The following CAMSAP1 variants were observed in gnomAD, a reference collection of about 807,000 sequenced individuals.
CAMSAP1 encodes calmodulin regulated spectrin associated protein 1.
Under a neutral mutation model 143.5 loss-of-function variants are expected in CAMSAP1, and 58 were observed. That is an observed-to-expected ratio of 0.40 (90% CI 0.33 to 0.50). The LOEUF (loss-of-function observed/expected upper bound fraction) is 0.50. Among genes scored for constraint, CAMSAP1 ranks in the 20% least tolerant of loss-of-function variants. The probability of loss-of-function intolerance (pLI) is 0.45; values close to 1 mark genes in which losing one functional copy is unlikely to be tolerated. For synonymous variants in CAMSAP1, 945 were observed against 859.3 expected (o/e 1.10, Z -1.74); for missense variants, 1,969 against 2,115.7 (o/e 0.93, Z 1.36).
At chr9:135,842,597 T>A (rs1319948070) in intron 7 of CAMSAP1, among the ~76,000 whole-genome samples, 1 of 152,090 alleles carries the variant, frequency 6.6e-6, no homozygotes, top group Non-Finnish European at 1.5e-5. Flanking sequence ...GAGAGAAAGG[T>A]CAGGTTACCC....
chr9:135,904,900 G>A lies in CAMSAP1; in HGVS notation c.160+2100C>T, dbSNP rs549407572. On this transcript the variant is annotated intron_variant, in intron 1 of 16. Coordinates refer to ENST00000389532, the MANE Select transcript of CAMSAP1 (RefSeq NM_015447.4). ...GAATCGCTTGAACCCAGGAGGTGGC[G>A]GTTGCGGTGAGCTGAGGTCGCGTCA... is the stretch of plus-strand genomic sequence containing the variant. Among the ~76,000 whole-genome samples, 58 of 152,148 alleles carry A rather than the reference G, an allele frequency of 3.8e-4. No individual in the cohort carries two copies. In the South Asian group the frequency reaches 0.01, roughly 27 times the overall value.
Position 135,820,802 on chromosome 9 carries a change from T to C in CAMSAP1, c.3822+37A>G. On this transcript the variant is annotated intron_variant, in intron 11 of 16. Transcript: ENST00000389532. The surrounding 1 kb of genome is among the most constrained non-coding windows in gnomAD (Gnocchi z 4.4). ...CACTATCACGTGGGGTGGCAACACA[T>C]CACGAGTGCCTGAAACAGATGCTAC... 6.2e-7 allele frequency: 1 copy of C among 1,601,314 alleles called. No homozygotes were observed. The highest frequency in any genetic ancestry group is 8.5e-7 in the Non-Finnish European group (1 of 1,175,294).
intron 14 of CAMSAP1, 194 bp downstream of exon 14, chr9:135,817,783 G>A (rs926445679): frequency 1.7e-5 from 10 of 574,040 alleles, no homozygotes; most frequent in Admixed American, 9.1e-5. Flanking sequence ...AGGCTGCCAC[G>A]TTTAACCAGC....
At chr9:135,892,867 A>AAAAAAAAATAAAG (rs1554800261) in intron 1 of CAMSAP1, among the ~76,000 whole-genome samples, 1 of 147,750 alleles carries the variant, frequency 6.8e-6, no homozygotes, top group African/African-American at 2.5e-5. Context: ...AAAAAAAAAA[A>AAAAAAAAATAAAG]GAACTAATCA....
chr9:135,862,467 CA>C lies in CAMSAP1; in HGVS notation c.807del (p.Asp269GlufsTer5). 6.4e-7 allele frequency: 1 copy of C among 1,551,172 alleles called. No homozygotes were observed. Among genetic ancestry groups the C allele is most frequent in the Non-Finnish European group, 8.7e-7 (1 of 1,146,840 alleles). On this transcript the variant is annotated frameshift_variant and splice_region_variant, in exon 5 of 17. Coordinates refer to ENST00000389532, the MANE Select transcript of CAMSAP1 (RefSeq NM_015447.4). LOFTEE classifies it high-confidence loss of function. ...TTTCAGGGAAGCATTCTCCACTCACCATCCAGTTTCATCTGCTCTGGGCAAT... is the reference window on the plus strand; with the variant it reads ...TTTCAGGGAAGCATTCTCCACTCACCTCCAGTTTCATCTGCTCTGGGCAAT... ...HYYCPEQMKL[D>X]DICLKEVTSM... is the part of the protein sequence containing the mutation.
Position 135,820,827 on chromosome 9 carries a change from C to T in CAMSAP1, c.3822+12G>A. ...TCACGAGTGCCTGAAACAGATGCTA[C>T]CAATCCCTTACCTTGAAGAAGAAGC... On this transcript the variant is annotated intron_variant, in intron 11 of 16. Transcript: ENST00000389532. This position sits in a 1 kb window ranked among gnomAD's most constrained non-coding sequence, Gnocchi z 4.4. The T allele has an allele frequency of 1.9e-6, 3 of 1,611,186 alleles. 1 individual carries two copies. The highest frequency in any genetic ancestry group is 2.5e-6 in the Non-Finnish European group (3 of 1,179,500).
At position 135,907,398 on chromosome 9, in the gene CAMSAP1, G is replaced by A. The variant is rs1361299568; in HGVS notation, c.-239C>T. 1.4e-5 allele frequency among the ~76,000 whole-genome samples: 2 copies of A among 146,214 alleles called. No individual in the cohort carries two copies. Among genetic ancestry groups the A allele is most frequent in the East Asian group, 3.9e-4 (2 of 5,068 alleles). The stretch of plus-strand genomic sequence containing the variant: ...AGGTGCCGAGCCCGCGGCCCAAAGA[G>A]GCGGCGGCAGGAGGGCGCGGGCCGG... On this transcript the variant is annotated 5_prime_UTR_variant, in exon 1 of 17. Coordinates refer to ENST00000389532, the MANE Select transcript of CAMSAP1 (RefSeq NM_015447.4).
rs547070734 is a variant in CAMSAP1 at position 135,863,558 on chromosome 9, A to C, written c.667-950T>G. Among the ~76,000 whole-genome samples the C allele has an allele frequency of 7.2e-5, 11 of 152,392 alleles. No homozygotes were observed. In the South Asian group the frequency reaches 2.3e-3, roughly 32 times the overall value. On this transcript the variant is annotated intron_variant, in intron 4 of 16. Transcript: ENST00000389532. ...TTCTGAGAGTCATGCAGCTGAATCA[A>C]CTTGAGGAGAAATTGTCTAAAATCA...
At position 135,824,271 on chromosome 9, in the gene CAMSAP1, G is replaced by T. The variant is rs533013579; in HGVS notation, c.1316-237C>A. On this transcript the variant is annotated intron_variant, in intron 9 of 16. Transcript: ENST00000389532. The surrounding 1 kb of genome is among the most constrained non-coding windows in gnomAD (Gnocchi z 4.1). ...CCTGCTTATGTCGCAGTTACTCTGT[G>T]TCTACTACACAGAAGGTAATTGCTC... 7.2e-5 allele frequency among the ~76,000 whole-genome samples: 11 copies of T among 152,308 alleles called. No individual in the cohort carries two copies. The highest frequency in any genetic ancestry group is 1.6e-4 in the Non-Finnish European group (11 of 68,024).
At chr9:135,847,582 A>G (rs1156746914) in intron 7 of CAMSAP1, among the ~76,000 whole-genome samples, 1 of 150,996 alleles carries the variant, frequency 6.6e-6, no homozygotes, top group Non-Finnish European at 1.5e-5. Flanking sequence ...GGAAGCCATC[A>G]TTCTCAGCAA....
At position 135,866,390 on chromosome 9, in the gene CAMSAP1, G is replaced by A. The variant is rs1258718419; in HGVS notation, c.666+66C>T. 4.9e-6 allele frequency: 4 copies of A among 818,532 alleles called. No individual in the cohort carries two copies. In the African/African-American group the frequency reaches 5.1e-5, roughly 11 times the overall value. The allele number at this position is 818,532 out of a possible 1,614,324, so 50.7% of individuals were successfully genotyped here. A position where few individuals can be genotyped will look rare whatever the true frequency, so the allele number is the denominator to read the frequency against. On this transcript the variant is annotated intron_variant, in intron 4 of 16. Coordinates refer to ENST00000389532, the MANE Select transcript of CAMSAP1 (RefSeq NM_015447.4). ...AATAAGCAAATAGTGGGAACTAACA[G>A]AATTCTTTAAAATTGGGACCAACAT...
Position 135,818,622 on chromosome 9 carries a change from A to G in CAMSAP1, c.3960-6T>C, listed in dbSNP as rs1262917728. On this transcript the variant is annotated splice_region_variant and splice_polypyrimidine_tract_variant and intron_variant, in intron 12 of 16. Transcript: ENST00000389532. This position sits in a 1 kb window ranked among gnomAD's most constrained non-coding sequence, Gnocchi z 7.7. ...GGTCTTCCTCAGCTTTGCGCCTGAG[A>G]GAAACACACGCCCAGACACTGCTCG... 2.5e-6 allele frequency: 4 copies of G among 1,612,614 alleles called. No individual in the cohort carries two copies. In the South Asian group the frequency reaches 3.3e-5, roughly 13 times the overall value.
Position 135,822,229 on chromosome 9 carries a change from C to T in CAMSAP1, c.2432G>A (p.Ser811Asn). ...QMSSVSMASG[S>N]VKMTSFAERK... The stretch of plus-strand genomic sequence containing the variant: ...CTCCGCAAAGCTGGTCATCTTCACG[C>T]TCCCACTCGCCATGGAGACACTGCT... The change falls in exon 11 of 17, where the codon AGC becomes AAC. Residue 811 changes from serine (S) to asparagine (N), a missense_variant. Transcript: ENST00000389532. The surrounding 1 kb of genome is among the most constrained non-coding windows in gnomAD (Gnocchi z 6.1). 2 of 1,614,026 alleles carry T rather than the reference C, an allele frequency of 1.2e-6. No individual in the cohort carries two copies. The highest frequency in any genetic ancestry group is 1.3e-5 in the African/African-American group (1 of 75,074).
chr9:135,849,351 T>C (rs1480192500), intron 7 of CAMSAP1, among the ~76,000 whole-genome samples: 1 of 152,214 alleles, frequency 6.6e-6, no homozygotes, highest in Non-Finnish European at 1.5e-5. Context: ...GCATCGCTTT[T>C]GCACCACGGT....
intron 1 of CAMSAP1, among the ~76,000 whole-genome samples, chr9:135,898,133 C>G (rs1162258482): frequency 6.6e-6 from 1 of 151,962 alleles, no homozygotes; most frequent in Non-Finnish European, 1.5e-5. Context: ...CAAAATAAAC[C>G]CGAAGGAAGC....
intron 3 of CAMSAP1, among the ~76,000 whole-genome samples, chr9:135,869,454 G>A (rs1004928913): frequency 6.6e-5 from 10 of 150,924 alleles, no homozygotes; most frequent in Non-Finnish European, 1.2e-4. Context: ...AGTGAGCCAC[G>A]ACCGCACCAC....
rs749939737 is a variant in CAMSAP1, at chr9:135,810,669, C to A, written c.*640G>T. On this transcript the variant is annotated 3_prime_UTR_variant, in exon 17 of 17. Coordinates refer to ENST00000389532, the MANE Select transcript of CAMSAP1 (RefSeq NM_015447.4). ...GTGCTTTTAGTGAACTGGTGTTTTCCGTAAACTTTTTCTGAGCAGCAAGGG... is the reference window on the plus strand; with the variant it reads ...GTGCTTTTAGTGAACTGGTGTTTTCAGTAAACTTTTTCTGAGCAGCAAGGG... 6.6e-6 allele frequency: 1 copy of A among 152,524 alleles called. No individual in the cohort carries two copies. The highest frequency in any genetic ancestry group is 1.5e-5 in the Non-Finnish European group (1 of 68,080). The allele number at this position is 152,524 out of a possible 1,614,324, so 9.4% of individuals were successfully genotyped here. A position where few individuals can be genotyped will look rare whatever the true frequency, so the allele number is the denominator to read the frequency against.
chr9:135,892,975 C>T (rs937478554), intron 1 of CAMSAP1, among the ~76,000 whole-genome samples: 23 of 151,818 alleles, frequency 1.5e-4, no homozygotes, highest in African/African-American at 5.3e-4. Flanking sequence ...TTGAGACCAG[C>T]CTAGGCAACA....
intron 5 of CAMSAP1, among the ~76,000 whole-genome samples, chr9:135,857,503 T>C (rs1837021314): frequency 1.3e-5 from 2 of 152,244 alleles, no homozygotes; most frequent in African/African-American, 2.4e-5. Context: ...TACACAGTTA[T>C]GTGCCACTAT....
Sources: gnomAD v4.1 joint callset for allele counts (sites outside exome capture counted in the v4.1 genomes callset) on GRCh38, gnomAD v4.1.1 for gene constraint, Gnocchi (gnomAD v3.1) non-coding constraint, MANE v1.5 for transcripts, NCBI Gene and HGNC (gene_info 2026-07-23, HGNC 2026-07-21) for gene names.